APH1A: variants seen among roughly 807,000 people sequenced by gnomAD.
APH1A encodes gamma-secretase subunit APH-1A.
APH1A carries 16 observed loss-of-function variants against 30.3 expected under a neutral mutation model. The ratio of observed to expected loss-of-function variants is 0.53; its 90% CI spans 0.36 to 0.80. The LOEUF (loss-of-function observed/expected upper bound fraction) is 0.80, where lower values mean the gene tolerates loss of function less well. Among genes scored for constraint, APH1A ranks in the 30% least tolerant of loss-of-function variants. APH1A has a pLI of 0.01. For synonymous variants in APH1A, 144 were observed against 140.1 expected (o/e 1.03, Z -0.20); for missense variants, 245 against 337.8 (o/e 0.73, Z 2.15).
At position 150,268,109 on chromosome 1, in the gene APH1A, G is replaced by T; in HGVS notation, c.132C>A (p.Val44=). ...AGACCACAGAGGCCAGGAGCAGGGAGACCAGCCAGAAAAATGCCCTGAGAA... is the reference window on the plus strand; with the variant it reads ...AGACCACAGAGGCCAGGAGCAGGGATACCAGCCAGAAAAATGCCCTGAGAA... ...ILVAGAFFWL[V]SLLLASVVWF... is the part of the protein sequence containing the mutation. The change falls in exon 2 of 7, where the codon GTC becomes GTA. Residue 44 remains valine (V), a synonymous_variant. Coordinates refer to ENST00000369109, the MANE Select transcript of APH1A (RefSeq NM_001077628.3). 1 of 1,613,878 alleles carries T rather than the reference G, an allele frequency of 6.2e-7. No homozygotes were observed. The highest frequency in any genetic ancestry group is 1.1e-5 in the South Asian group (1 of 91,054).
In APH1A at chr1:150,268,995, T is replaced by G; in HGVS notation, c.-185A>C. 1 of 548,980 alleles carries G rather than the reference T, an allele frequency of 1.8e-6. No individual in the cohort carries two copies. Among genetic ancestry groups the G allele is most frequent in the Non-Finnish European group, 3.3e-6 (1 of 303,550 alleles). 34.0% of individuals were successfully genotyped at this position (548,980 alleles called of 1,614,324 possible). A position where few individuals can be genotyped will look rare whatever the true frequency, so the allele number is the denominator to read the frequency against. ...AACCCCAAATGAAGGTCCGCGCCAC[T>G]TCCTCTACGGAAGCCGAAGAGGGGA... On this transcript the variant is annotated 5_prime_UTR_variant, in exon 1 of 7. Coordinates refer to ENST00000369109, the MANE Select transcript of APH1A (RefSeq NM_001077628.3).
At chr1:150,268,345 C>A (rs1553850385) in intron 1 of APH1A, 2 of 632,650 alleles carry the variant, frequency 3.2e-6, no homozygotes, top group East Asian at 2.8e-5. Context: ...GTCTTCAGAG[C>A]GATGACAGCC....
chr1:150,266,803 G>GA, intron 5 of APH1A, 147 bp from the exon 6 acceptor site: 1 of 1,142,966 alleles, frequency 8.7e-7, no homozygotes, highest in Non-Finnish European at 1.2e-6. Flanking sequence ...TGGTTAAGGG[G>GA]ACTTTTGATT....
Position 150,268,833 on chromosome 1 carries a change from G to T in APH1A, c.-23C>A. ...CATGGCTGGTCAGGTGGGAAGGGGGGTGGGGGCCTGACCAGGACAGGCAAA... is the reference window on the plus strand; with the variant it reads ...CATGGCTGGTCAGGTGGGAAGGGGGTTGGGGGCCTGACCAGGACAGGCAAA... On this transcript the variant is annotated 5_prime_UTR_variant, in exon 1 of 7. Coordinates refer to ENST00000369109, the MANE Select transcript of APH1A (RefSeq NM_001077628.3). 2 of 1,597,494 alleles carry T rather than the reference G, an allele frequency of 1.3e-6. No homozygotes were observed. Among genetic ancestry groups the T allele is most frequent in the Non-Finnish European group, 1.7e-6 (2 of 1,171,324 alleles).
chr1:150,268,874 A>T lies in APH1A; in HGVS notation c.-64T>A. 2.8e-6 allele frequency: 4 copies of T among 1,453,296 alleles called. No individual in the cohort carries two copies. The highest frequency in any genetic ancestry group is 4.0e-5 in the Admixed American group (2 of 50,306). 90.0% of individuals were successfully genotyped at this position (1,453,296 alleles called of 1,614,324 possible). ...GACAGGCAAATGGGAGGGGCGCGCC[A>T]GCTGGGGAGTCCGCGTGGGGTGGCA... On this transcript the variant is annotated 5_prime_UTR_variant, in exon 1 of 7. Transcript: ENST00000369109.
At chr1:150,268,628 C>T in intron 1 of APH1A, 70 bp downstream of exon 1, 3 of 1,469,452 alleles carry the variant, frequency 2.0e-6, no homozygotes, top group Non-Finnish European at 2.8e-6. Context: ...CAGGCTTGCC[C>T]CAGTTCCTCC....
chr1:150,267,931 C>T, intron 2 of APH1A, 26 bp downstream of exon 2: 2 of 1,613,780 alleles, frequency 1.2e-6, no homozygotes, highest in Non-Finnish European at 8.5e-7. Flanking sequence ...TGCCCCTCTC[C>T]CCTCCAGACC....
chr1:150,267,988 C>A lies in APH1A; in HGVS notation c.253G>T (p.Val85Leu), dbSNP rs782675679. Residue 85 changes from valine (V) to leucine (L), a missense_variant, in exon 2 of 7, where the codon GTG becomes TTG. By Grantham distance (32) the Val-to-Leu change is conservative (BLOSUM62 1). Transcript: ENST00000369109. ...AGCTTGTAGTAGGCAAAGCGGAACA[C>A]CTCCTGTAGAAGGACAGAGACAGCA... ...GAAVSVLLQE[V>L]FRFAYYKLLK... 1.9e-6 allele frequency: 3 copies of A among 1,614,170 alleles called. No individual in the cohort carries two copies. In the South Asian group the frequency reaches 3.3e-5, roughly 18 times the overall value.
Position 150,266,596 on chromosome 1 carries a change from T to A in APH1A, c.670A>T (p.Met224Leu). Residue 224 changes from methionine (M) to leucine (L), a missense_variant, in exon 6 of 7, where the codon ATG becomes TTG. Physicochemically the swap from Met to Leu is conservative, Grantham distance 15. Transcript: ENST00000369109. ...GCTGTGATGAAGGCCCAGAGCCCCATGGAAACAGTGACTGCATAGATGGGC... is the reference window on the plus strand; with the variant it reads ...GCTGTGATGAAGGCCCAGAGCCCCAAGGAAACAGTGACTGCATAGATGGGC... ...LLPIYAVTVS[M>L]GLWAFITAGG... The A allele has an allele frequency of 6.2e-7, 1 of 1,614,000 alleles. No homozygotes were observed. The highest frequency in any genetic ancestry group is 1.1e-5 in the South Asian group (1 of 91,070).
intron 2 of APH1A, 59 bp downstream of exon 2, chr1:150,267,898 C>A: frequency 6.2e-7 from 1 of 1,612,810 alleles, no homozygotes. Flanking sequence ...AGGGGCTGCC[C>A]CACTTCCCAT....
At position 150,268,025 on chromosome 1, in the gene APH1A, C is replaced by G. The variant is rs1553850312; in HGVS notation, c.216G>C (p.Leu72=). 6.2e-7 allele frequency: 1 copy of G among 1,614,144 alleles called. No homozygotes were observed. The highest frequency in any genetic ancestry group is 8.5e-7 in the Non-Finnish European group (1 of 1,180,026). Residue 72 remains leucine (L), a synonymous_variant, in exon 2 of 7, where the codon CTG becomes CTC. Coordinates refer to ENST00000369109, the MANE Select transcript of APH1A (RefSeq NM_001077628.3). ...GGACAGAGACAGCAGCACCAAAAATCAGGAGGCCGTACTGGAGCCGGGCAT... is the reference window on the plus strand; with the variant it reads ...GGACAGAGACAGCAGCACCAAAAATGAGGAGGCCGTACTGGAGCCGGGCAT... ...RSDARLQYGL[L]IFGAAVSVLL...
intron 5 of APH1A, 134 bp from the exon 6 acceptor site, chr1:150,266,790 T>C (rs1651763359): frequency 4.1e-6 from 5 of 1,213,596 alleles, no homozygotes; most frequent in Non-Finnish European, 5.7e-6. Context: ...CACCAACATC[T>C]TGTGGTTAAG....
Position 150,268,529 on chromosome 1 carries a change from C to T in APH1A, c.113+169G>A, listed in dbSNP as rs186677377. ...TGTGAGATCCTTGGAAGGTGGAAAC[C>T]AACTGCGGGAAAGGACAAATCTCCC... On this transcript the variant is annotated intron_variant, in intron 1 of 6. Transcript: ENST00000369109. 121 of 675,102 alleles carry T rather than the reference C, an allele frequency of 1.8e-4. No homozygotes were observed. The African/African-American group carries it at 1.8e-3, about 10-fold the overall frequency. 41.8% of individuals were successfully genotyped at this position (675,102 alleles called of 1,614,324 possible). A position where few individuals can be genotyped will look rare whatever the true frequency, so the allele number is the denominator to read the frequency against.
Position 150,268,036 on chromosome 1 carries a change from A to G in APH1A, c.205T>C (p.Tyr69His). The G allele has an allele frequency of 6.2e-7, 1 of 1,614,216 alleles. No individual in the cohort carries two copies. The highest frequency in any genetic ancestry group is 8.5e-7 in the Non-Finnish European group (1 of 1,180,046). The change falls in exon 2 of 7, where the codon TAC becomes CAC. Residue 69 changes from tyrosine (Y) to histidine (H), a missense_variant. Coordinates refer to ENST00000369109, the MANE Select transcript of APH1A (RefSeq NM_001077628.3). The part of the protein sequence containing the change: ...VTDRSDARLQ[Y>H]GLLIFGAAVS... ...GCAGCACCAAAAATCAGGAGGCCGTACTGGAGCCGGGCATCTGACCGGTCG... is the reference window on the plus strand; with the variant it reads ...GCAGCACCAAAAATCAGGAGGCCGTGCTGGAGCCGGGCATCTGACCGGTCG...
chr1:150,268,799 CGCA>C lies in APH1A; in HGVS notation c.9_11del (p.Ala4del), dbSNP rs1445941045. ...CGACGAAAGTGCAGCCGAAAAACAC[CGCA>C]GCCCCCATGGCTGGTCAGGTGGGAA... On this transcript the variant is annotated inframe_deletion, in exon 1 of 7. Coordinates refer to ENST00000369109, the MANE Select transcript of APH1A (RefSeq NM_001077628.3). 2 of 1,613,158 alleles carry C rather than the reference CGCA, an allele frequency of 1.2e-6. No homozygotes were observed. The highest frequency in any genetic ancestry group is 2.7e-5 in the African/African-American group (2 of 74,918).
In APH1A at chr1:150,265,562, A is replaced by G. The variant is rs782536458; in HGVS notation, c.*568T>C. 1.3e-5 allele frequency: 2 copies of G among 152,376 alleles called. No individual in the cohort carries two copies. Among genetic ancestry groups the G allele is most frequent in the Non-Finnish European group, 2.9e-5 (2 of 68,022 alleles). The allele number at this position is 152,376 out of a possible 1,614,324, so 9.4% of individuals were successfully genotyped here. On this transcript the variant is annotated 3_prime_UTR_variant, in exon 7 of 7. Transcript: ENST00000369109. ...AAAAAATCTCCCCTCCTTCCCTACG[A>G]TGTCATGGTAGTCTGACTCCTCCAG... is the stretch of plus-strand genomic sequence containing the variant.
intron 1 of APH1A, 130 bp from the exon 2 acceptor site, chr1:150,268,257 G>GT: frequency 9.5e-7 from 1 of 1,050,606 alleles, no homozygotes; most frequent in Non-Finnish European, 1.3e-6. Context: ...CATGGACCAG[G>GT]TAGGGTAACT....
At chr1:150,266,938 G>C in intron 5 of APH1A, 137 bp downstream of exon 5, 1 of 1,386,804 alleles carries the variant, frequency 7.2e-7, no homozygotes, top group Non-Finnish European at 9.8e-7. Context: ...GCTGAGGTGA[G>C]AGACCTTGAA....
Position 150,267,791 on chromosome 1 carries a change from T to C in APH1A, c.285-2A>G. 1 of 1,250,428 alleles carries C rather than the reference T, an allele frequency of 8.0e-7. No homozygotes were observed. The allele number at this position is 1,250,428 out of a possible 1,614,324, so 77.5% of individuals were successfully genotyped here. On this transcript the variant is annotated splice_acceptor_variant, in intron 2 of 6. Coordinates refer to ENST00000369109, the MANE Select transcript of APH1A (RefSeq NM_001077628.3). LOFTEE classifies it high-confidence loss of function. ...GATGCTAACCCCTCATCTGCCTTCC[T>C]GGGGTGGGGTGGGGTAGGGGAAACA...
Sources: allele counts gnomAD v4.1 joint callset, GRCh38; gene constraint gnomAD v4.1.1; transcripts MANE v1.5; gene names NCBI Gene and HGNC (gene_info 2026-07-23, HGNC 2026-07-21).